The following DOP1A variants were observed in gnomAD, a reference collection of about 807,000 sequenced individuals.
The protein encoded by DOP1A is DOP1 leucine zipper like protein A, also known as protein DOP1A.
Under a neutral mutation model 267.6 loss-of-function variants are expected in DOP1A, and 90 were observed. That is an observed-to-expected ratio of 0.34 (90% CI 0.28 to 0.40). The LOEUF (loss-of-function observed/expected upper bound fraction) is 0.40, where lower values mean the gene tolerates loss of function less well. Ranked by LOEUF, DOP1A falls within the 10% of genes least tolerant of loss-of-function variation. The pLI is 1.00. For synonymous variants in DOP1A, 932 were observed against 999.1 expected (o/e 0.93, Z 1.27); for missense variants, 2,437 against 2,900.4 (o/e 0.84, Z 3.67).
chr6:83,129,368 T>C lies in DOP1A; in HGVS notation c.2201T>C (p.Ile734Thr). Residue 734 changes from isoleucine (I) to threonine (T), a missense_variant, in exon 16 of 39, where the codon ATA (isoleucine) becomes ACA (threonine). This residue lies in a region of DOP1A where 498 missense variants were observed against 513.5 expected (regional missense o/e 0.97). Transcript: ENST00000349129. ...NSQGDVKEKN[I>T]SKQKTSKEYL... ...CAAGGAGATGTAAAAGAGAAAAACA[T>C]AAGTAAACAAAAAACTTCTAAAGAA... 6.2e-7 allele frequency: 1 copy of C among 1,611,230 alleles called. No individual in the cohort carries two copies. The highest frequency in any genetic ancestry group is 8.5e-7 in the Non-Finnish European group (1 of 1,179,072).
intron 27 of DOP1A, among the ~76,000 whole-genome samples, chr6:83,150,510 C>CT (rs1476869226): frequency 6.6e-6 from 1 of 152,112 alleles, no homozygotes; most frequent in Non-Finnish European, 1.5e-5. Context: ...ATACTAGAAA[C>CT]TTTATTTCCT....
At chr6:83,147,721 A>G (rs1405232732) in intron 26 of DOP1A, among the ~76,000 whole-genome samples, 1 of 152,196 alleles carries the variant, frequency 6.6e-6, no homozygotes, top group East Asian at 1.9e-4. Context: ...TTTATAAGAT[A>G]ATTCCATTTT....
chr6:83,129,376 C>A lies in DOP1A; in HGVS notation c.2209C>A (p.Gln737Lys). Residue 737 changes from glutamine (Q) to lysine (K), a missense_variant, in exon 16 of 39, where the codon CAA (glutamine) becomes AAA (lysine). By Grantham distance (53) the Gln-to-Lys change is moderately conservative (BLOSUM62 1). Around this residue, in one of 9 missense-constraint regions of DOP1A, gnomAD observed 498 missense variants for 513.5 expected, o/e 0.97. Transcript: ENST00000349129. Reference protein sequence around the residue: ...GDVKEKNISKQKTSKEYLSAF... With the variant: ...GDVKEKNISKKKTSKEYLSAF... ...TGTAAAAGAGAAAAACATAAGTAAACAAAAAACTTCTAAAGAATACCTGTC... is the reference window on the plus strand; with the variant it reads ...TGTAAAAGAGAAAAACATAAGTAAAAAAAAAACTTCTAAAGAATACCTGTC... 6.2e-7 allele frequency: 1 copy of A among 1,610,648 alleles called. No individual in the cohort carries two copies. The highest frequency in any genetic ancestry group is 1.1e-5 in the South Asian group (1 of 90,436).
In DOP1A at chr6:83,140,368, G is replaced by A. The variant is rs45490298; in HGVS notation, c.5380G>A (p.Ala1794Thr). 534 of 1,611,482 alleles carry A rather than the reference G, an allele frequency of 3.3e-4. No homozygotes were observed. The highest frequency in any genetic ancestry group is 4.1e-4 in the Non-Finnish European group (489 of 1,179,410). The change falls in exon 23 of 39, where the codon GCA becomes ACA. Residue 1794 changes from alanine to threonine, a missense_variant. By Grantham distance (58) the Ala-to-Thr change is moderately conservative. Around this residue, in one of 9 missense-constraint regions of DOP1A, gnomAD observed 307 missense variants for 308.6 expected, o/e 0.99. Coordinates refer to ENST00000349129, the MANE Select transcript of DOP1A (RefSeq NM_015018.4). ...AGAAAAGATGACTATTGCCGCATCC[G>A]CATCTCTTACCACTATTAATCTTGG... is the stretch of plus-strand genomic sequence containing the variant. The part of the protein sequence containing the change: ...SSEKMTIAAS[A>T]SLTTINLGAT...
intron 17 of DOP1A, among the ~76,000 whole-genome samples, chr6:83,131,059 C>T (rs1229386707): frequency 6.6e-6 from 1 of 152,054 alleles, no homozygotes; most frequent in East Asian, 1.9e-4. Flanking sequence ...AACCTCAGCA[C>T]TCCAAAACTC....
chr6:83,155,470 A>G (rs1304177125), intron 33 of DOP1A, among the ~76,000 whole-genome samples: 1 of 152,094 alleles, frequency 6.6e-6, no homozygotes, highest in Non-Finnish European at 1.5e-5. Context: ...TCAAAGAAAA[A>G]TACAAATAAA....
intron 38 of DOP1A, chr6:83,164,582 A>T: frequency 7.3e-7 from 1 of 1,360,990 alleles, no homozygotes; most frequent in Non-Finnish European, 1.0e-6. Flanking sequence ...CATCCAAATC[A>T]CCTTAAACAA....
rs1780512617 is a variant in DOP1A at position 83,145,540 on chromosome 6, G to A, written c.5558G>A (p.Ser1853Asn). 3.1e-6 allele frequency: 5 copies of A among 1,600,878 alleles called. No homozygotes were observed. Among genetic ancestry groups the A allele is most frequent in the Non-Finnish European group, 4.3e-6 (5 of 1,173,398 alleles). ...TTRTKVIPAA[S>N]EEQLLLVELV... ...ATTACCTAGGTCATTCCTGCAGCCA[G>A]TGAAGAACAGCTTTTATTAGTGGAA... The change falls in exon 25 of 39, where the codon AGT becomes AAT. Residue 1853 changes from serine (S) to asparagine (N), a missense_variant. Coordinates refer to ENST00000349129, the MANE Select transcript of DOP1A (RefSeq NM_015018.4).
Position 83,140,407 on chromosome 6 carries a change from A to ATTAAC in DOP1A, c.5415+4_5415+5insTTAAC, listed in dbSNP as rs1230310194. 15 of 1,595,944 alleles carry ATTAAC rather than the reference A, an allele frequency of 9.4e-6. No individual in the cohort carries two copies. The African/African-American group carries it at 1.7e-4, about 19-fold the overall frequency. ...TATTAATCTTGGAGCTACAAAGGTT[A>ATTAAC]GACAATTCATATTTAATCTGTAGAG... On this transcript the variant is annotated splice_donor_region_variant and intron_variant, in intron 23 of 38. Transcript: ENST00000349129.
chr6:83,092,918 C>T (rs1770722244), intron 1 of DOP1A, among the ~76,000 whole-genome samples: 1 of 152,012 alleles, frequency 6.6e-6, no homozygotes, highest in Non-Finnish European at 1.5e-5. Context: ...TTAAAACTTA[C>T]GAATTGTTTA....
At chr6:83,128,572 C>T (rs1777549332) in intron 15 of DOP1A, among the ~76,000 whole-genome samples, 1 of 152,082 alleles carries the variant, frequency 6.6e-6, no homozygotes, top group Non-Finnish European at 1.5e-5. Context: ...ATATCTCATT[C>T]TTGGCATTGT....
chr6:83,106,822 A>G (rs114354612), intron 4 of DOP1A, among the ~76,000 whole-genome samples: 1,623 of 150,710 alleles, frequency 0.011, 40 homozygotes, highest in African/African-American at 0.036. Flanking sequence ...AAAAAAAGAG[A>G]GAGAGAAAAG....
intron 14 of DOP1A, 148 bp downstream of exon 14, chr6:83,125,343 T>A (rs1472359861): frequency 9.4e-7 from 1 of 1,063,380 alleles, no homozygotes; most frequent in Non-Finnish European, 1.3e-6. Flanking sequence ...AGAAATTTTA[T>A]AAGGCATCAG....
chr6:83,158,752 T>A, intron 36 of DOP1A, 130 bp downstream of exon 36: 1 of 691,650 alleles, frequency 1.4e-6, no homozygotes, highest in South Asian at 2.1e-5. Flanking sequence ...TTGATTACGT[T>A]TGGATATAAT....
intron 7 of DOP1A, among the ~76,000 whole-genome samples, 177 bp from the exon 8 acceptor site, chr6:83,118,711 A>G (rs1460766001): frequency 6.6e-6 from 1 of 152,140 alleles, no homozygotes; most frequent in Non-Finnish European, 1.5e-5. Context: ...ATGTTACCTA[A>G]CTTTCTTCCT....
intron 12 of DOP1A, among the ~76,000 whole-genome samples, chr6:83,124,175 G>A (rs1430150475): frequency 1.3e-5 from 2 of 151,974 alleles, no homozygotes; most frequent in African/African-American, 4.8e-5. Context: ...GGCAATGTAT[G>A]GTCATATAGG....
intron 24 of DOP1A, among the ~76,000 whole-genome samples, chr6:83,144,790 G>T (rs1344229737): frequency 4.6e-5 from 7 of 151,926 alleles, no homozygotes; most frequent in Admixed American, 4.6e-4. Context: ...GTTGAGCATG[G>T]TTGCTTTGGG....
At chr6:83,152,217 C>G in intron 29 of DOP1A, 71 bp from the exon 30 acceptor site, 1 of 781,436 alleles carries the variant, frequency 1.3e-6, no homozygotes, top group South Asian at 2.1e-5. Flanking sequence ...ATAATACACA[C>G]ACACACACAC....
Position 83,152,005 on chromosome 6 carries a change from C to T in DOP1A, c.6027C>T (p.Thr2009=). 1.2e-6 allele frequency: 2 copies of T among 1,613,700 alleles called. No individual in the cohort carries two copies. Among genetic ancestry groups the T allele is most frequent in the Non-Finnish European group, 8.5e-7 (1 of 1,179,840 alleles). ...KPSPKIMVDG[T]NLESDVEDML... ...CTCCCAAAATAATGGTAGATGGAAC[C>T]AATTTGGAATCTGATGTTGAAGGTA... is the stretch of plus-strand genomic sequence containing the variant. Residue 2009 remains threonine (T), a synonymous_variant, in exon 29 of 39, where the codon ACC becomes ACT. Transcript: ENST00000349129.
Sources: gnomAD v4.1 joint callset for allele counts (sites outside exome capture counted in the v4.1 genomes callset) on GRCh38, gnomAD v4.1.1 for gene constraint, gnomAD v4.1.1 regional missense constraint, MANE v1.5 for transcripts, NCBI Gene and HGNC (gene_info 2026-07-23, HGNC 2026-07-21) for gene names.